CFAP99: variants seen among roughly 807,000 people sequenced by gnomAD.
The protein encoded by CFAP99 is cilia- and flagella-associated protein 99.
CFAP99 carries 84 observed loss-of-function variants against 82.7 expected under a neutral mutation model. The ratio of observed to expected loss-of-function variants is 1.02; its 90% CI spans 0.85 to 1.22. CFAP99 has a LOEUF of 1.22. Ranked by LOEUF, CFAP99 falls within the 50% of genes most tolerant of loss-of-function variation. The probability of loss-of-function intolerance (pLI) is 0.00; values close to 1 mark genes in which losing one functional copy is unlikely to be tolerated. For missense variants in CFAP99, 1,059 were observed against 983.5 expected, an observed-to-expected ratio of 1.08 and a Z score of -1.03; for synonymous variants, 456 against 429.5, an observed-to-expected ratio of 1.06 and a Z score of -0.76.
chr4:2,454,581 C>CTTTTTTTTTTTGTTTTTTTTTTT (rs1734378524), intron 11 of CFAP99, among the ~76,000 whole-genome samples: 23 of 94,714 alleles, frequency 2.4e-4, no homozygotes, highest in South Asian at 3.6e-4. Flanking sequence ...TGTTTTTTTT[C>CTTTTTTTTTTTGTTTTTTTTTTT]TTTTTTTTTT....
At position 2,433,393 on chromosome 4, in the gene CFAP99, G is replaced by T. The variant is rs544095108; in HGVS notation, c.112-3481G>T. ...CGGAAGGGTCTGTCCTGGCTCCTGG[G>T]CTCCTCTGACAAGATGTTGTCAGTT... On this transcript the variant is annotated intron_variant, in intron 2 of 14. Transcript: ENST00000635017. Among the ~76,000 whole-genome samples, 11 of 151,160 alleles carry T rather than the reference G, an allele frequency of 7.3e-5. No homozygotes were observed. In the South Asian group the frequency reaches 2.3e-3, roughly 32 times the overall value.
rs765989380 is a variant in CFAP99 at position 2,462,442 on chromosome 4, G to C, written c.1662-1G>C. The C allele has an allele frequency of 3.2e-5, 47 of 1,448,386 alleles. No individual in the cohort carries two copies. The African/African-American group carries it at 5.5e-4, about 17-fold the overall frequency. The allele number at this position is 1,448,386 out of a possible 1,614,324, so 89.7% of individuals were successfully genotyped here. ...CCTGAGCCCGCCGCGTCGCCCGCCAGGTGGGAGGAAAAGAAGGCCCTTGCG... is the reference window on the plus strand; with the variant it reads ...CCTGAGCCCGCCGCGTCGCCCGCCACGTGGGAGGAAAAGAAGGCCCTTGCG... On this transcript the variant is annotated splice_acceptor_variant, in intron 14 of 14. Transcript: ENST00000635017. LOFTEE classifies it high-confidence loss of function. The surrounding 1 kb of genome is among the most constrained non-coding windows in gnomAD (Gnocchi z 4.1).
chr4:2,444,247 G>A (rs889671040), intron 5 of CFAP99, among the ~76,000 whole-genome samples: 2 of 152,178 alleles, frequency 1.3e-5, no homozygotes, highest in African/African-American at 4.8e-5. Flanking sequence ...CCCATGGCCT[G>A]GGCCTGCAGG....
chr4:2,437,978 CCTGACACGGTGGAGG>C, intron 3 of CFAP99, 77 bp from the exon 4 acceptor site: 1 of 719,944 alleles, frequency 1.4e-6, no homozygotes, highest in Non-Finnish European at 2.4e-6. Context: ...GGCTGCGTGC[CCTGACACGGTGGAGG>C]CCTTCGGCTC....
rs1317388315 is a variant in CFAP99, at chr4:2,460,203, C to T, written c.1622C>T (p.Ser541Leu). 1.7e-5 allele frequency: 26 copies of T among 1,535,960 alleles called. No homozygotes were observed. In the Admixed American group the frequency reaches 3.5e-4, roughly 21 times the overall value. ...CTGCAGAACATGGTGGAGCAGATCT[C>T]GCTGTGCCGTGCAGCCATGGGGAGA... The change falls in exon 14 of 15, where the codon TCG becomes TTG. Residue 541 changes from serine (S) to leucine (L), a missense_variant. Transcript: ENST00000635017.
At position 2,425,167 on chromosome 4, in the gene CFAP99, T is replaced by C. The variant is rs189391481; in HGVS notation, c.-17-1292T>C. Among the ~76,000 whole-genome samples the C allele has an allele frequency of 6.3e-4, 96 of 152,334 alleles. 1 individual carries two copies. In the East Asian group the frequency reaches 6.4e-3, roughly 10 times the overall value. ...TTGCTTGTTCCTTGGACGCTGTATC[T>C]CCTCTTCTCTTGCATGGCAGTGCCT... On this transcript the variant is annotated intron_variant, in intron 1 of 14. Coordinates refer to ENST00000635017, the Ensembl canonical transcript of CFAP99.
intron 4 of CFAP99, 23 bp downstream of exon 4, chr4:2,438,187 C>G: frequency 7.0e-7 from 1 of 1,431,004 alleles, no homozygotes. Context: ...TACCTGCCCA[C>G]CAGGCCACGA....
At chr4:2,441,484 G>T (rs375015191) in intron 4 of CFAP99, among the ~76,000 whole-genome samples, 1 of 152,092 alleles carries the variant, frequency 6.6e-6, no homozygotes, top group East Asian at 1.9e-4. Flanking sequence ...GCCCCAAAGC[G>T]CCAGCCCAGG....
At chr4:2,421,381 G>T (rs929363340) in intron 1 of CFAP99, among the ~76,000 whole-genome samples, 3 of 129,634 alleles carry the variant, frequency 2.3e-5, no homozygotes, top group African/African-American at 8.6e-5. Context: ...TTGAGATGGC[G>T]TCTCGCTCTG....
intron 2 of CFAP99, among the ~76,000 whole-genome samples, chr4:2,429,615 A>G (rs1241584262): frequency 5.4e-5 from 8 of 149,202 alleles, no homozygotes; most frequent in South Asian, 2.1e-4. Flanking sequence ...TTTTTGAGAC[A>G]GAGTCTCACT....
intron 4 of CFAP99, among the ~76,000 whole-genome samples, chr4:2,442,283 G>A (rs768908646): frequency 5.9e-5 from 9 of 152,106 alleles, no homozygotes; most frequent in East Asian, 1.9e-4. Flanking sequence ...CCCCAGCCTC[G>A]GGGCAGGGAA....
chr4:2,452,828 C>G (rs1734336548), intron 11 of CFAP99, among the ~76,000 whole-genome samples: 2 of 152,166 alleles, frequency 1.3e-5, no homozygotes, highest in Non-Finnish European at 2.9e-5. Context: ...TTTAGGAGGC[C>G]AAGGCCAGAA....
intron 4 of CFAP99, among the ~76,000 whole-genome samples, chr4:2,441,503 C>T (rs1354651042): frequency 6.6e-6 from 1 of 152,176 alleles, no homozygotes; most frequent in Non-Finnish European, 1.5e-5. Flanking sequence ...GGACAGAGTG[C>T]TCAGGGGCTG....
At chr4:2,443,361 A>G (rs948638016) in intron 5 of CFAP99, 119 bp downstream of exon 5, 3 of 672,914 alleles carry the variant, frequency 4.5e-6, no homozygotes, top group Non-Finnish European at 5.3e-6. Flanking sequence ...TATGAGTGTC[A>G]GTAATCACTC....
intron 13 of CFAP99, 74 bp from the exon 14 acceptor site, chr4:2,459,963 G>A: frequency 7.2e-7 from 1 of 1,382,658 alleles, no homozygotes; most frequent in African/African-American, 1.4e-5. Context: ...CTATGGAACA[G>A]GGGAGGGATC....
intron 1 of CFAP99, 138 bp from the exon 2 acceptor site, chr4:2,426,321 C>G (rs1733681538): frequency 3.1e-6 from 2 of 638,262 alleles, no homozygotes. Context: ...GCCCGGCACC[C>G]TAGCCAGGGC....
At chr4:2,458,943 A>G in intron 12 of CFAP99, 79 bp downstream of exon 12, 1 of 1,480,410 alleles carries the variant, frequency 6.8e-7, no homozygotes, top group Non-Finnish European at 9.0e-7. Flanking sequence ...TTCCTGAGTG[A>G]GCCACTATGG....
At chr4:2,426,030 C>T (rs552034468) in intron 1 of CFAP99, among the ~76,000 whole-genome samples, 4 of 152,226 alleles carry the variant, frequency 2.6e-5, no homozygotes, top group Non-Finnish European at 4.4e-5. Flanking sequence ...GTCACCTTCC[C>T]GGGCAAAGCT....
chr4:2,458,818 C>T (rs563290909), exon 12 of CFAP99: 104 of 1,535,822 alleles, frequency 6.8e-5, no homozygotes, highest in Middle Eastern at 3.4e-4. Context: ...GGCAGAAGAA[C>T]GCCAAGGCGG....
Sources: gnomAD v4.1 joint callset for allele counts (sites outside exome capture counted in the v4.1 genomes callset) on GRCh38, gnomAD v4.1.1 for gene constraint, Gnocchi (gnomAD v3.1) non-coding constraint, MANE v1.5 for transcripts, NCBI Gene and HGNC (gene_info 2026-07-23, HGNC 2026-07-21) for gene names.